The following TENM2 variants were observed in gnomAD, a reference collection of about 807,000 sequenced individuals.
TENM2 encodes the protein teneurin-2.
In TENM2, 52 loss-of-function variants were observed where a neutral mutation model predicts 245.2. That is an observed-to-expected ratio of 0.21 (90% CI 0.17 to 0.27). The LOEUF (loss-of-function observed/expected upper bound fraction) is 0.27. TENM2 is among the 10% of genes least tolerant of loss of function. The pLI, the probability that TENM2 is intolerant of heterozygous loss-of-function variation, is 1.00. For synonymous variants in TENM2, 1,363 were observed against 1,438.9 expected (o/e 0.95, Z 1.19); for missense variants, 3,046 against 3,666.8 (o/e 0.83, Z 4.37).
intron 13 of TENM2, among the ~76,000 whole-genome samples, chr5:168,174,899 G>A (rs1429992460): frequency 6.6e-6 from 1 of 152,190 alleles, no homozygotes; most frequent in Admixed American, 6.5e-5. Context: ...CGAAAAATGT[G>A]GAAGGAGTTT....
intron 23 of TENM2, 49 bp downstream of exon 25, chr5:168,219,048 C>A: frequency 1.3e-6 from 2 of 1,566,498 alleles, no homozygotes; most frequent in Non-Finnish European, 8.7e-7. Flanking sequence ...CTTGCCCTAG[C>A]TGGCATTAGG....
chr5:167,694,731 G>T (rs1315701876), intron 2 of TENM2, among the ~76,000 whole-genome samples: 1 of 152,080 alleles, frequency 6.6e-6, no homozygotes, highest in African/African-American at 2.4e-5. Context: ...TGCATGAATA[G>T]TTCTCATTAG....
intron 13 of TENM2, among the ~76,000 whole-genome samples, chr5:168,169,077 A>G (rs1758564660): frequency 6.6e-6 from 1 of 152,206 alleles, no homozygotes. Context: ...GAGATGGACC[A>G]TCTTATTAGA....
the TENM2 span, among the ~76,000 whole-genome samples, chr5:167,048,143 C>A: frequency 6.6e-6 from 1 of 152,132 alleles, no homozygotes; most frequent in Non-Finnish European, 1.5e-5. Context: ...TATGTTTCCC[C>A]TGTTTACCAA....
chr5:168,049,447 T>C (rs970133085), intron 6 of TENM2, among the ~76,000 whole-genome samples: 2 of 152,226 alleles, frequency 1.3e-5, no homozygotes, highest in African/African-American at 4.8e-5. Context: ...TGAAATTATA[T>C]GCCAATGCTT....
At chr5:167,360,922 GTC>G (rs1374993766) in intron 1 of TENM2, among the ~76,000 whole-genome samples, 1 of 152,152 alleles carries the variant, frequency 6.6e-6, no homozygotes, top group Non-Finnish European at 1.5e-5. Context: ...GATGTACACA[GTC>G]TCTCACCTAG....
At chr5:167,575,608 A>T (rs1228169191) in intron 2 of TENM2, among the ~76,000 whole-genome samples, 2 of 152,112 alleles carry the variant, frequency 1.3e-5, no homozygotes, top group African/African-American at 4.8e-5. Flanking sequence ...GACCAAATGG[A>T]CTGTGGGTCT....
chr5:167,668,861 G>A (rs1183331750), intron 2 of TENM2, among the ~76,000 whole-genome samples: 4 of 152,144 alleles, frequency 2.6e-5, no homozygotes, highest in South Asian at 2.1e-4. Flanking sequence ...GGCTGAGGCC[G>A]GAGAATCACT....
chr5:167,894,711 G>T (rs1285662196), intron 3 of TENM2, among the ~76,000 whole-genome samples: 1 of 152,068 alleles, frequency 6.6e-6, no homozygotes, highest in Non-Finnish European at 1.5e-5. Flanking sequence ...ATATCTGTTG[G>T]ATGGTTGACA....
At chr5:167,220,898 C>T in the TENM2 span, among the ~76,000 whole-genome samples, 3 of 151,980 alleles carry the variant, frequency 2.0e-5, no homozygotes, top group East Asian at 5.8e-4. Flanking sequence ...TCAATGTCAG[C>T]TCACTGCAAC....
intron 2 of TENM2, among the ~76,000 whole-genome samples, chr5:167,511,062 T>C (rs1432170736): frequency 6.6e-6 from 1 of 152,208 alleles, no homozygotes; most frequent in East Asian, 1.9e-4. Context: ...TTTTATCCTA[T>C]GCCATTTATC....
At chr5:167,682,511 T>C (rs1756800333) in intron 2 of TENM2, among the ~76,000 whole-genome samples, 1 of 152,140 alleles carries the variant, frequency 6.6e-6, no homozygotes, top group African/African-American at 2.4e-5. Flanking sequence ...AATACTCTCT[T>C]GCATTTCTTT....
At chr5:167,346,780 T>C (rs753084132) in intron 1 of TENM2, among the ~76,000 whole-genome samples, 3 of 152,066 alleles carry the variant, frequency 2.0e-5, no homozygotes, top group Non-Finnish European at 4.4e-5. Context: ...CAACTATTTT[T>C]TTTTTTCTTG....
exon 29 of TENM2, chr5:168,262,204 G>A (rs368539378): frequency 6.2e-7 from 1 of 1,610,260 alleles, no homozygotes; most frequent in Admixed American, 1.7e-5. Context: ...AAGGCATCAT[G>A]TTTGCCATCA....
the TENM2 span, among the ~76,000 whole-genome samples, chr5:167,088,074 C>T: frequency 6.6e-6 from 1 of 152,054 alleles, no homozygotes; most frequent in African/African-American, 2.4e-5. Context: ...AGGCGTGAAC[C>T]CCTGCACCCA....
At chr5:167,973,564 G>C (rs1303623860) in intron 4 of TENM2, among the ~76,000 whole-genome samples, 1 of 152,152 alleles carries the variant, frequency 6.6e-6, no homozygotes, top group Non-Finnish European at 1.5e-5. Flanking sequence ...GAGCTCAGGG[G>C]ACTCTACGGA....
At chr5:167,764,647 G>C (rs1373277122) in intron 2 of TENM2, among the ~76,000 whole-genome samples, 1 of 152,116 alleles carries the variant, frequency 6.6e-6, no homozygotes, top group African/African-American at 2.4e-5. Flanking sequence ...GGTGGAACAG[G>C]GGCACTTGGA....
At chr5:167,072,361 A>G in the TENM2 span, among the ~76,000 whole-genome samples, 2 of 152,172 alleles carry the variant, frequency 1.3e-5, no homozygotes, top group African/African-American at 4.8e-5. Context: ...TGAGTCACTT[A>G]ATGATGTCTG....
At chr5:168,134,147 T>C (rs1189223899) in intron 12 of TENM2, among the ~76,000 whole-genome samples, 2 of 151,850 alleles carry the variant, frequency 1.3e-5, no homozygotes, top group Non-Finnish European at 2.9e-5. Context: ...AGAGTGAGAC[T>C]CTGTCTCAAA....
Sources: allele counts gnomAD v4.1 joint callset (sites outside exome capture counted in the v4.1 genomes callset), GRCh38; gene constraint gnomAD v4.1.1; transcripts MANE v1.5; gene names NCBI Gene and HGNC (gene_info 2026-07-23, HGNC 2026-07-21).